ATRN: variants seen among roughly 807,000 people sequenced by gnomAD.
ATRN encodes the protein attractin-2.
In ATRN, 54 loss-of-function variants were observed where a neutral mutation model predicts 178.7. That is an observed-to-expected ratio of 0.30 (90% CI 0.24 to 0.38). ATRN has a LOEUF of 0.38. Ranked by LOEUF, ATRN falls within the 10% of genes least tolerant of loss-of-function variation. The pLI is 1.00. For missense variants in ATRN, 1,443 were observed against 1,815.1 expected (o/e 0.79, Z 3.73); for synonymous variants, 636 against 663.0 (o/e 0.96, Z 0.63).
rs1290435356 is a variant in ATRN at position 3,609,984 on chromosome 20, A to G, written c.3801+5722A>G. 2.6e-5 allele frequency among the ~76,000 whole-genome samples: 4 copies of G among 152,296 alleles called. No homozygotes were observed. In the East Asian group the frequency reaches 7.7e-4, roughly 29 times the overall value. On this transcript the variant is annotated intron_variant, in intron 24 of 28. Transcript: ENST00000262919. ...GCGGGAAATAGGGAATTACTGCTTC[A>G]TGGTTATTAAAGAGTTTCCCTTTGG...
chr20:3,636,800 A>G (rs1245723382), intron 26 of ATRN, among the ~76,000 whole-genome samples: 2 of 152,216 alleles, frequency 1.3e-5, no homozygotes, highest in Non-Finnish European at 2.9e-5. Context: ...TCACAGCCCA[A>G]GTTCGTTATC....
chr20:3,536,521 TTA>T (rs2085536019), intron 2 of ATRN, among the ~76,000 whole-genome samples: 1 of 152,148 alleles, frequency 6.6e-6, no homozygotes, highest in Admixed American at 6.5e-5. Flanking sequence ...CCAAATAAGT[TTA>T]TGTTTTTCTA....
At chr20:3,620,770 C>T (rs912275477) in intron 24 of ATRN, among the ~76,000 whole-genome samples, 1 of 152,168 alleles carries the variant, frequency 6.6e-6, no homozygotes, top group Non-Finnish European at 1.5e-5. Flanking sequence ...ATTCATTCTT[C>T]TACAACAGTA....
Position 3,482,268 on chromosome 20 carries a change from T to C in ATRN, c.410+10751T>C, listed in dbSNP as rs1171837798. Among the ~76,000 whole-genome samples, 3 of 151,588 alleles carry C rather than the reference T, an allele frequency of 2.0e-5. No individual in the cohort carries two copies. The East Asian group carries it at 5.8e-4, about 29-fold the overall frequency. ...ATTATGTAAGGAAAAGCATGAGTTG[T>C]AGACAAAAAAAAAAGACATTACATT... On this transcript the variant is annotated intron_variant, in intron 1 of 28. Coordinates refer to ENST00000262919, the MANE Select transcript of ATRN (RefSeq NM_139321.3).
intron 1 of ATRN, among the ~76,000 whole-genome samples, chr20:3,508,945 C>G (rs1445947020): frequency 1.3e-5 from 2 of 151,164 alleles, no homozygotes; most frequent in Non-Finnish European, 2.9e-5. Context: ...AGGGTAATCA[C>G]TAATAGTAGT....
In ATRN at chr20:3,638,694, C is replaced by A; in HGVS notation, c.3943-134C>A. ...AGTAATCCCTAATGTTATCTAATAT[C>A]AAGTCTAAAAAGTATCATTTTGGAC... On this transcript the variant is annotated intron_variant, in intron 26 of 28. Transcript: ENST00000262919. The surrounding 1 kb of genome is among the most constrained non-coding windows in gnomAD (Gnocchi z 4.5). The A allele has an allele frequency of 1.5e-6, 1 of 685,030 alleles. No individual in the cohort carries two copies. The highest frequency in any genetic ancestry group is 2.4e-6 in the Non-Finnish European group (1 of 411,492). 42.4% of individuals were successfully genotyped at this position (685,030 alleles called of 1,614,324 possible). A position where few individuals can be genotyped will look rare whatever the true frequency, so the allele number is the denominator to read the frequency against.
At chr20:3,576,677 CT>C (rs2086213788) in intron 13 of ATRN, among the ~76,000 whole-genome samples, 181 bp from the exon 14 acceptor site, 1 of 113,270 alleles carries the variant, frequency 8.8e-6, no homozygotes, top group Admixed American at 9.9e-5. Flanking sequence ...ACTTATCTAT[CT>C]ATCTGTCTGT....
At chr20:3,536,311 CG>C (rs2085532433) in intron 2 of ATRN, among the ~76,000 whole-genome samples, 1 of 151,974 alleles carries the variant, frequency 6.6e-6, no homozygotes, top group Non-Finnish European at 1.5e-5. Context: ...TGGGTTCAAG[CG>C]ATTCTCCTGC....
intron 12 of ATRN, among the ~76,000 whole-genome samples, chr20:3,574,512 C>A (rs1270685608): frequency 6.6e-6 from 1 of 152,152 alleles, no homozygotes; most frequent in African/African-American, 2.4e-5. Context: ...GAGATTCTGT[C>A]TCAAAAACAA....
Position 3,575,949 on chromosome 20 carries a change from G to T in ATRN, c.2214+1G>T. On this transcript the variant is annotated splice_donor_variant, in intron 13 of 28. Transcript: ENST00000262919. LOFTEE classifies it high-confidence loss of function. ...GAACCACAGCTGCTCAGAAGGCCAG[G>T]TCAGAGGCTGTTTCTTAAAGATTTC... The T allele has an allele frequency of 1.2e-6, 2 of 1,612,746 alleles. No homozygotes were observed. Among genetic ancestry groups the T allele is most frequent in the Non-Finnish European group, 1.7e-6 (2 of 1,179,584 alleles).
intron 1 of ATRN, among the ~76,000 whole-genome samples, chr20:3,530,505 T>G (rs1206519712): frequency 6.6e-6 from 1 of 150,822 alleles, no homozygotes; most frequent in African/African-American, 2.4e-5. Flanking sequence ...GGTCTCAAAC[T>G]CCCGACCTCG....
intron 1 of ATRN, among the ~76,000 whole-genome samples, chr20:3,525,750 C>T (rs1042916024): frequency 1.8e-4 from 28 of 152,082 alleles, no homozygotes; most frequent in African/African-American, 4.3e-4. Flanking sequence ...TTCAACATAA[C>T]GGAAATCAAT....
In ATRN at chr20:3,530,036, A is replaced by G. The variant is rs540662118; in HGVS notation, c.411-5217A>G. On this transcript the variant is annotated intron_variant, in intron 1 of 28. Transcript: ENST00000262919. ...ATACAGGAAAATAACCAAAAGATCAATAATTATAATAATATTAGACAAGGT... is the reference window on the plus strand; with the variant it reads ...ATACAGGAAAATAACCAAAAGATCAGTAATTATAATAATATTAGACAAGGT... 5.5e-4 allele frequency among the ~76,000 whole-genome samples: 83 copies of G among 151,836 alleles called. 2 individuals are homozygous for G. The South Asian group carries it at 0.013, about 24-fold the overall frequency.
intron 18 of ATRN, among the ~76,000 whole-genome samples, chr20:3,587,144 A>G (rs571572143): frequency 3.3e-5 from 5 of 152,270 alleles, no homozygotes; most frequent in African/African-American, 1.2e-4. Context: ...TATTGGATAT[A>G]TTATTTGCAA....
chr20:3,596,088 A>C (rs533817871), intron 20 of ATRN, among the ~76,000 whole-genome samples: 13 of 152,220 alleles, frequency 8.5e-5, no homozygotes, highest in Non-Finnish European at 1.5e-4. Flanking sequence ...ACAAAATTGA[A>C]AATGTTTTTC....
intron 1 of ATRN, among the ~76,000 whole-genome samples, chr20:3,473,544 G>C (rs1306253173): frequency 6.6e-6 from 1 of 152,214 alleles, no homozygotes; most frequent in East Asian, 1.9e-4. Flanking sequence ...CTGTGAAATG[G>C]CGTAGTTCAC....
intron 4 of ATRN, 79 bp downstream of exon 4, chr20:3,545,969 T>C: frequency 1.4e-6 from 2 of 1,467,304 alleles, no homozygotes; most frequent in Admixed American, 3.4e-5. Flanking sequence ...ATGGCTAACA[T>C]AGATTGAGAG....
chr20:3,577,040 T>C, intron 14 of ATRN, 43 bp downstream of exon 14: 1 of 1,603,462 alleles, frequency 6.2e-7, no homozygotes, highest in Non-Finnish European at 8.5e-7. Context: ...GGTCCATTAC[T>C]TCAGCCTGCT....
intron 25 of ATRN, among the ~76,000 whole-genome samples, chr20:3,627,635 G>A (rs1174849952): frequency 2.0e-5 from 3 of 152,146 alleles, no homozygotes; most frequent in African/African-American, 7.2e-5. Flanking sequence ...AAAAAAGGGG[G>A]CATTCCTCCA....
Sources: allele counts gnomAD v4.1 joint callset (sites outside exome capture counted in the v4.1 genomes callset), GRCh38; gene constraint gnomAD v4.1.1; non-coding constraint Gnocchi (gnomAD v3.1); transcripts MANE v1.5; gene names NCBI Gene and HGNC (gene_info 2026-07-23, HGNC 2026-07-21).